TCF12: variants seen among roughly 807,000 people sequenced by gnomAD.
TCF12 encodes the protein transcription factor 12.
TCF12 carries 45 observed loss-of-function variants against 86.0 expected under a neutral mutation model. That is an observed-to-expected ratio of 0.52 (90% CI 0.41 to 0.67). The LOEUF is 0.67. TCF12 is among the 30% of genes least tolerant of loss of function. TCF12 has a pLI of 0.00. For synonymous variants in TCF12, 330 were observed against 299.6 expected (o/e 1.10, Z -1.05); for missense variants, 881 against 859.9 (o/e 1.02, Z -0.31).
chr15:57,081,899 A>C (rs1313663800), intron 4 of TCF12, among the ~76,000 whole-genome samples: 1 of 152,084 alleles, frequency 6.6e-6, no homozygotes, highest in Non-Finnish European at 1.5e-5. Flanking sequence ...TGTTACACAA[A>C]ACCTCAAATT....
chr15:57,099,151 C>A (rs1006919046), intron 5 of TCF12, among the ~76,000 whole-genome samples: 5 of 152,112 alleles, frequency 3.3e-5, no homozygotes, highest in Non-Finnish European at 7.4e-5. Flanking sequence ...TTTCCATGCC[C>A]CTGCCCTGCC....
At chr15:56,976,379 C>T (rs1390343214) in intron 3 of TCF12, among the ~76,000 whole-genome samples, 2 of 150,268 alleles carry the variant, frequency 1.3e-5, no homozygotes, top group African/African-American at 4.9e-5. Flanking sequence ...TACAGGCGGC[C>T]GCTACCACGC....
chr15:57,125,543 A>T (rs894739703), intron 5 of TCF12, among the ~76,000 whole-genome samples: 2 of 152,274 alleles, frequency 1.3e-5, no homozygotes, highest in Admixed American at 1.3e-4. Flanking sequence ...AAACTTAAAG[A>T]TACCAGACAA....
At position 57,288,808 on chromosome 15, in the gene TCF12, T is replaced by G. The variant is rs2062013507; in HGVS notation, c.*2663T>G. 6.6e-6 allele frequency: 1 copy of G among 152,160 alleles called. No homozygotes were observed. The highest frequency in any genetic ancestry group is 1.5e-5 in the Non-Finnish European group (1 of 68,024). 9.4% of individuals were successfully genotyped at this position (152,160 alleles called of 1,614,324 possible). ...TAGTAGTTATAGAAAATCTACTCAT[T>G]TGTAGATACAGAGAAAAATGAAGAA... On this transcript the variant is annotated 3_prime_UTR_variant, in exon 21 of 21. Coordinates refer to ENST00000333725, the MANE Select transcript of TCF12 (RefSeq NM_207037.2).
intron 6 of TCF12, among the ~76,000 whole-genome samples, chr15:57,180,997 G>A (rs1191348303): frequency 6.6e-6 from 1 of 151,316 alleles, no homozygotes; most frequent in Non-Finnish European, 1.5e-5. Context: ...TGTATTTTTA[G>A]TGGAGACAGG....
intron 8 of TCF12, among the ~76,000 whole-genome samples, chr15:57,207,392 C>T (rs1291150701): frequency 2.0e-5 from 3 of 152,006 alleles, no homozygotes; most frequent in Non-Finnish European, 1.5e-5. Context: ...ATAGGCCGGG[C>T]GCGGTGGCTT....
intron 3 of TCF12, among the ~76,000 whole-genome samples, chr15:56,929,398 C>G (rs570284388): frequency 2.5e-4 from 38 of 152,106 alleles, no homozygotes; most frequent in Non-Finnish European, 5.1e-4. Flanking sequence ...TTATTTGAAA[C>G]TTTCTTGTTT....
At chr15:57,016,635 G>A (rs1192334300) in intron 3 of TCF12, among the ~76,000 whole-genome samples, 1 of 151,958 alleles carries the variant, frequency 6.6e-6, no homozygotes, top group East Asian at 1.9e-4. Flanking sequence ...AAATTGACTG[G>A]GAGCCTAAGA....
intron 6 of TCF12, among the ~76,000 whole-genome samples, chr15:57,170,327 G>A (rs2055220177): frequency 6.6e-6 from 1 of 150,650 alleles, no homozygotes; most frequent in African/African-American, 2.5e-5. Context: ...CTGGAGTACA[G>A]TGGCGCTCAC....
Position 57,253,308 on chromosome 15 carries a change from A to G in TCF12, c.1307A>G (p.His436Arg). ...TTAGACAGACTGGATGATGCAATCC[A>G]TGTGCTGCGGAACCATGCTGTGGGA... ...DRLDRLDDAI[H>R]VLRNHAVGPS... Residue 436 changes from histidine (H) to arginine (R), a missense_variant, in exon 16 of 21, where the codon CAT (histidine) becomes CGT (arginine). By Grantham distance (29) the His-to-Arg change is conservative (BLOSUM62 0). Around this residue, in one of 3 missense-constraint regions of TCF12, gnomAD observed 766 missense variants for 718.9 expected, o/e 1.07. Transcript: ENST00000333725. 1 of 1,613,952 alleles carries G rather than the reference A, an allele frequency of 6.2e-7. No individual in the cohort carries two copies. Among genetic ancestry groups the G allele is most frequent in the Non-Finnish European group, 8.5e-7 (1 of 1,179,942 alleles).
chr15:56,956,525 A>G (rs1445393275), intron 3 of TCF12, among the ~76,000 whole-genome samples: 1 of 151,944 alleles, frequency 6.6e-6, no homozygotes. Context: ...ATCTGGAATC[A>G]TTTTTCTTGT....
In TCF12 at chr15:57,145,824, T is replaced by A. The variant is rs76958758; in HGVS notation, c.326-20578T>A. On this transcript the variant is annotated intron_variant, in intron 5 of 20. Coordinates refer to ENST00000333725, the MANE Select transcript of TCF12 (RefSeq NM_207037.2). ...GCCTCTCCTTATGCTACTCTGCTCC[T>A]GCTGCGTGATAGTTGAGGGTAGGAA... Among the ~76,000 whole-genome samples the A allele has an allele frequency of 6.5e-3, 995 of 152,268 alleles. 16 individuals are homozygous for A. Among genetic ancestry groups the A allele is most frequent in the East Asian group, 0.063 (328 of 5,186 alleles).
intron 5 of TCF12, among the ~76,000 whole-genome samples, chr15:57,119,298 GT>G (rs1374487793): frequency 2.7e-5 from 4 of 150,832 alleles, no homozygotes; most frequent in Non-Finnish European, 4.4e-5. Context: ...TTGTTTTTTT[GT>G]TTTTTTGGCA....
rs138193704 is a variant in TCF12 at position 57,161,731 on chromosome 15, C to T, written c.326-4671C>T. Reference sequence around the variant, plus strand: ...TTAGCATGGCCTTCCATTTTGAATACGGATAACAAAATAATCCAGACAGTA... The same window carrying T: ...TTAGCATGGCCTTCCATTTTGAATATGGATAACAAAATAATCCAGACAGTA... On this transcript the variant is annotated intron_variant, in intron 5 of 20. Coordinates refer to ENST00000333725, the MANE Select transcript of TCF12 (RefSeq NM_207037.2). Among the ~76,000 whole-genome samples the T allele has an allele frequency of 5.8e-4, 89 of 152,190 alleles. 1 individual carries two copies. The highest frequency in any genetic ancestry group is 1.9e-3 in the African/African-American group (80 of 41,522).
intron 3 of TCF12, among the ~76,000 whole-genome samples, chr15:56,932,585 GGGAGACAGA>G (rs2060295250): frequency 6.6e-6 from 1 of 151,574 alleles, no homozygotes; most frequent in Admixed American, 6.6e-5. Context: ...TTATTATTTT[GGGAGACAGA>G]GTGTGGCTCT....
chr15:57,120,053 C>A (rs559530136), intron 5 of TCF12, among the ~76,000 whole-genome samples: 1 of 152,292 alleles, frequency 6.6e-6, no homozygotes, highest in South Asian at 2.1e-4. Flanking sequence ...TCACATTATT[C>A]CCCCTAACTG....
In TCF12 at chr15:57,032,588, G is replaced by C. The variant is rs1247941574; in HGVS notation, c.149-31162G>C. 2.6e-5 allele frequency among the ~76,000 whole-genome samples: 4 copies of C among 152,018 alleles called. No individual in the cohort carries two copies. In the East Asian group the frequency reaches 7.7e-4, roughly 29 times the overall value. On this transcript the variant is annotated intron_variant, in intron 3 of 20. Coordinates refer to ENST00000333725, the MANE Select transcript of TCF12 (RefSeq NM_207037.2). ...GGACTACAGGCATATGGGACTACAG[G>C]CATATGCCACCATGCCTGGCTAATT...
intron 8 of TCF12, among the ~76,000 whole-genome samples, chr15:57,211,148 G>A (rs1473616597): frequency 6.6e-6 from 1 of 152,196 alleles, no homozygotes; most frequent in Non-Finnish European, 1.5e-5. Flanking sequence ...GCACATTATT[G>A]AGAAACCAAA....
chr15:56,931,172 A>C (rs1482911524), intron 3 of TCF12, among the ~76,000 whole-genome samples: 6 of 152,266 alleles, frequency 3.9e-5, no homozygotes, highest in African/African-American at 1.4e-4. Context: ...TACAGAAAAA[A>C]AAATTGTGGT....
Sources: allele counts gnomAD v4.1 joint callset (sites outside exome capture counted in the v4.1 genomes callset), GRCh38; gene constraint gnomAD v4.1.1; regional missense constraint gnomAD v4.1.1; transcripts MANE v1.5; gene names NCBI Gene and HGNC (gene_info 2026-07-23, HGNC 2026-07-21).